The following LHX2 variants were observed in gnomAD, a reference collection of about 807,000 sequenced individuals.
LHX2 encodes the protein LIM/homeobox protein Lhx2.
A neutral mutation model predicts 33.0 loss-of-function variants in LHX2; 6 were observed. The ratio of observed to expected loss-of-function variants is 0.18; its 90% CI spans 0.10 to 0.36. The LOEUF is 0.36. Ranked by LOEUF, LHX2 falls within the 10% of genes least tolerant of loss-of-function variation. The probability of loss-of-function intolerance (pLI) is 1.00; values close to 1 mark genes in which losing one functional copy is unlikely to be tolerated. For missense variants in LHX2, 442 were observed against 586.2 expected, an observed-to-expected ratio of 0.75 and a Z score of 2.54; for synonymous variants, 292 against 253.1, an observed-to-expected ratio of 1.15 and a Z score of -1.46.
Position 124,015,203 on chromosome 9 carries a change from T to G in LHX2, c.405T>G (p.Val135=). The G allele has an allele frequency of 6.2e-7, 1 of 1,614,078 alleles. No individual in the cohort carries two copies. Among genetic ancestry groups the G allele is most frequent in the East Asian group, 2.2e-5 (1 of 44,870 alleles). ...TGGTGATGCGCGCTCGGGACTTGGT[T>G]TATCACCTCAACTGCTTCACGTGCA... is the stretch of plus-strand genomic sequence containing the variant. The part of the protein sequence containing the change: ...SEMVMRARDL[V]YHLNCFTCTT... The change falls in exon 3 of 5, where the codon GTT becomes GTG. Residue 135 remains valine, a synonymous_variant. Transcript: ENST00000373615. This position sits in a 1 kb window ranked among gnomAD's most constrained non-coding sequence, Gnocchi z 7.9.
Position 124,015,659 on chromosome 9 carries a change from G to T in LHX2, c.727+134G>T. ...AAGCACCGGACGGCCTCGCAGAAGG[G>T]ACATTAGCCCCCTGGGCTTCCAGAC... On this transcript the variant is annotated intron_variant, in intron 3 of 4. Coordinates refer to ENST00000373615, the MANE Select transcript of LHX2 (RefSeq NM_004789.4). The surrounding 1 kb of genome is among the most constrained non-coding windows in gnomAD (Gnocchi z 7.9). 5.0e-6 allele frequency: 5 copies of T among 998,266 alleles called. No individual in the cohort carries two copies. Among genetic ancestry groups the T allele is most frequent in the Non-Finnish European group, 7.0e-6 (5 of 709,904 alleles). 61.8% of individuals were successfully genotyped at this position (998,266 alleles called of 1,614,324 possible).
intron 4 of LHX2, among the ~76,000 whole-genome samples, chr9:124,026,962 A>G (rs1017083261): frequency 6.6e-6 from 1 of 152,150 alleles, no homozygotes; most frequent in Non-Finnish European, 1.5e-5. Context: ...CCTGTCTACC[A>G]CCCAGGTGGG....
chr9:124,029,925 C>T (rs949707657), intron 4 of LHX2, among the ~76,000 whole-genome samples: 1 of 152,326 alleles, frequency 6.6e-6, no homozygotes, highest in East Asian at 1.9e-4. Flanking sequence ...CACCAGGACA[C>T]AGTCTCTCCC....
At chr9:124,020,737 A>G (rs1859277278) in intron 3 of LHX2, among the ~76,000 whole-genome samples, 2 of 152,218 alleles carry the variant, frequency 1.3e-5, no homozygotes, top group Admixed American at 1.3e-4. Context: ...GTGCCTGGAA[A>G]GCCCTTTAAC....
chr9:124,026,996 A>G (rs2118777288), intron 4 of LHX2, among the ~76,000 whole-genome samples: 1 of 152,282 alleles, frequency 6.6e-6, no homozygotes, highest in African/African-American at 2.4e-5. Context: ...ATCTAGTCCT[A>G]GATGGCCTAA....
intron 3 of LHX2, among the ~76,000 whole-genome samples, chr9:124,018,144 T>A (rs1859225935): frequency 6.6e-6 from 1 of 151,688 alleles, no homozygotes; most frequent in Non-Finnish European, 1.5e-5. Context: ...TGAGGCGAAG[T>A]CAGATTTGAT....
At chr9:124,031,088 C>T (rs899782525) in intron 4 of LHX2, among the ~76,000 whole-genome samples, 12 of 152,162 alleles carry the variant, frequency 7.9e-5, no homozygotes, top group Non-Finnish European at 4.4e-5. Context: ...CCCAGCTCTG[C>T]GCCCCGCCGC....
rs1004770730 is a variant in LHX2, at chr9:124,015,588, C to T, written c.727+63C>T. ...GGGGAAAGTGTGCGGCCTCGACGGC[C>T]GGGAGCTGGATTGAATCTCTGTGTG... On this transcript the variant is annotated intron_variant, in intron 3 of 4. Coordinates refer to ENST00000373615, the MANE Select transcript of LHX2 (RefSeq NM_004789.4). This position sits in a 1 kb window ranked among gnomAD's most constrained non-coding sequence, Gnocchi z 7.9. The T allele has an allele frequency of 2.3e-5, 33 of 1,426,110 alleles. No individual in the cohort carries two copies. Among genetic ancestry groups the T allele is most frequent in the East Asian group, 1.5e-4 (6 of 39,580 alleles). 88.3% of individuals were successfully genotyped at this position (1,426,110 alleles called of 1,614,324 possible).
intron 4 of LHX2, among the ~76,000 whole-genome samples, chr9:124,023,102 TCCCCTCCCTTCAGCCGTG>T: frequency 6.6e-6 from 1 of 152,240 alleles, no homozygotes; most frequent in South Asian, 2.1e-4. Flanking sequence ...CTCTTTGGCG[TCCCCTCCCTTCAGCCGTG>T]GGTGAGTTCG....
chr9:124,027,779 C>G (rs553499264), intron 4 of LHX2, among the ~76,000 whole-genome samples: 1 of 152,088 alleles, frequency 6.6e-6, no homozygotes, highest in African/African-American at 2.4e-5. Context: ...GATCGCACTA[C>G]TGTACTCCAG....
intron 4 of LHX2, among the ~76,000 whole-genome samples, chr9:124,024,285 C>A (rs376043887): frequency 7.2e-5 from 11 of 152,236 alleles, no homozygotes; most frequent in African/African-American, 2.7e-4. Context: ...TAAGATTTTT[C>A]TGCCCATTTT....
chr9:124,025,568 A>C (rs1292260964), intron 4 of LHX2, among the ~76,000 whole-genome samples: 1 of 152,110 alleles, frequency 6.6e-6, no homozygotes, highest in East Asian at 1.9e-4. Context: ...GCAGCATATT[A>C]AGATGCCCTA....
Position 124,014,289 on chromosome 9 carries a change from C to G in LHX2, c.323+126C>G. On this transcript the variant is annotated intron_variant, in intron 2 of 4. Transcript: ENST00000373615. This position sits in a 1 kb window ranked among gnomAD's most constrained non-coding sequence, Gnocchi z 4.8. ...TTCACTACTCAGGACTCCCCCGCTCCCCCCCCAAGTTCTCCAAGCCACCAC... is the reference window on the plus strand; with the variant it reads ...TTCACTACTCAGGACTCCCCCGCTCGCCCCCCAAGTTCTCCAAGCCACCAC... 1.6e-6 allele frequency: 1 copy of G among 627,328 alleles called. No individual in the cohort carries two copies. The highest frequency in any genetic ancestry group is 2.4e-5 in the Admixed American group (1 of 41,846). 38.9% of individuals were successfully genotyped at this position (627,328 alleles called of 1,614,324 possible). A position where few individuals can be genotyped will look rare whatever the true frequency, so the allele number is the denominator to read the frequency against.
intron 4 of LHX2, among the ~76,000 whole-genome samples, chr9:124,026,597 C>A (rs4838093): frequency 0.37 from 56,035 of 152,050 alleles, 11,399 homozygotes; most frequent in Admixed American, 0.48. Flanking sequence ...TGATTCTAAG[C>A]TCAAATAGGT....
chr9:124,019,340 G>A (rs1486145213), intron 3 of LHX2, among the ~76,000 whole-genome samples: 1 of 152,212 alleles, frequency 6.6e-6, no homozygotes, highest in Non-Finnish European at 1.5e-5. Flanking sequence ...GAAGGGGGAG[G>A]TCACCAGCAG....
intron 4 of LHX2, among the ~76,000 whole-genome samples, chr9:124,023,711 A>C (rs1418851920): frequency 6.6e-6 from 1 of 152,244 alleles, no homozygotes; most frequent in African/African-American, 2.4e-5. Context: ...ACTTAGGAAC[A>C]AATCAGATTT....
At chr9:124,023,181 C>G (rs1460621945) in intron 4 of LHX2, among the ~76,000 whole-genome samples, 1 of 152,190 alleles carries the variant, frequency 6.6e-6, no homozygotes, top group African/African-American at 2.4e-5. Context: ...TAGGACCCTT[C>G]GTCCTTCCCC....
chr9:124,027,045 T>C (rs1828636235), intron 4 of LHX2, among the ~76,000 whole-genome samples: 1 of 152,138 alleles, frequency 6.6e-6, no homozygotes, highest in Non-Finnish European at 1.5e-5. Flanking sequence ...CCTAAACCTC[T>C]CAGTTCAAAG....
intron 1 of LHX2, 70 bp from the exon 2 acceptor site, chr9:124,013,891 G>C (rs1859136072): frequency 3.4e-6 from 5 of 1,476,712 alleles, no homozygotes; most frequent in Non-Finnish European, 4.7e-6. Context: ...TGTGGGTGCC[G>C]GTTTCCCGGC....
Sources: gnomAD v4.1 joint callset for allele counts (sites outside exome capture counted in the v4.1 genomes callset) on GRCh38, gnomAD v4.1.1 for gene constraint, Gnocchi (gnomAD v3.1) non-coding constraint, MANE v1.5 for transcripts, NCBI Gene and HGNC (gene_info 2026-07-23, HGNC 2026-07-21) for gene names.